PNPT1: variants seen among roughly 807,000 people sequenced by gnomAD.
PNPT1 encodes the protein polyribonucleotide nucleotidyltransferase 1, mitochondrial.
Under a neutral mutation model 119.5 loss-of-function variants are expected in PNPT1, and 53 were observed. That is an observed-to-expected ratio of 0.44 (90% CI 0.36 to 0.56). PNPT1 has a LOEUF of 0.56. Ranked by LOEUF, PNPT1 falls within the 20% of genes least tolerant of loss-of-function variation. The probability of loss-of-function intolerance (pLI) is 0.00; values close to 1 mark genes in which losing one functional copy is unlikely to be tolerated. For missense variants in PNPT1, 948 were observed against 938.5 expected (o/e 1.01, Z -0.13); for synonymous variants, 357 against 322.1 (o/e 1.11, Z -1.16).
At chr2:55,660,231 G>T in intron 14 of PNPT1, 38 bp from the exon 15 acceptor site, 1 of 1,523,148 alleles carries the variant, frequency 6.6e-7, no homozygotes, top group Non-Finnish European at 8.8e-7. Flanking sequence ...ACATCATAGG[G>T]AAAAAACATA....
intron 18 of PNPT1, among the ~76,000 whole-genome samples, chr2:55,654,296 C>T (rs1269877635): frequency 6.6e-6 from 1 of 150,776 alleles, no homozygotes; most frequent in East Asian, 1.9e-4. Flanking sequence ...ATAATGCTTT[C>T]GTTTTTGGCG....
Position 55,664,945 on chromosome 2 carries a change from T to G in PNPT1, c.1176+2046A>C, listed in dbSNP as rs564968087. Among the ~76,000 whole-genome samples the G allele has an allele frequency of 2.0e-5, 3 of 152,230 alleles. No individual in the cohort carries two copies. The South Asian group carries it at 6.2e-4, about 32-fold the overall frequency. On this transcript the variant is annotated intron_variant, in intron 13 of 27. Transcript: ENST00000447944. ...TAATTATAAATCCTAGAAGGATATTTTGAGAACTTGATATAATACTAAAAT... is the reference window on the plus strand; with the variant it reads ...TAATTATAAATCCTAGAAGGATATTGTGAGAACTTGATATAATACTAAAAT...
intron 8 of PNPT1, among the ~76,000 whole-genome samples, chr2:55,674,461 C>T (rs921991369): frequency 2.2e-4 from 33 of 152,040 alleles, no homozygotes; most frequent in African/African-American, 7.5e-4. Context: ...GGCATAGTGG[C>T]GTGCACCTGT....
intron 1 of PNPT1, among the ~76,000 whole-genome samples, chr2:55,691,878 A>ATTTTTTTTTTTTT (rs1227966046): frequency 9.1e-5 from 3 of 33,116 alleles, no homozygotes; most frequent in Non-Finnish European, 1.8e-4. Flanking sequence ...ATATATATAT[A>ATTTTTTTTTTTTT]TTTTTTTTTT....
chr2:55,651,743 T>A (rs1696211524), intron 18 of PNPT1, among the ~76,000 whole-genome samples: 1 of 137,370 alleles, frequency 7.3e-6, no homozygotes, highest in East Asian at 2.1e-4. Context: ...CAAATCCCCC[T>A]CTGTGAGAAA....
intron 13 of PNPT1, among the ~76,000 whole-genome samples, chr2:55,665,636 T>C (rs1246702152): frequency 6.7e-6 from 1 of 149,876 alleles, no homozygotes; most frequent in East Asian, 1.9e-4. Context: ...TGCACAACTC[T>C]AGGGGACAAC....
intron 5 of PNPT1, among the ~76,000 whole-genome samples, chr2:55,682,178 T>C (rs868052314): frequency 4.0e-5 from 6 of 151,814 alleles, no homozygotes; most frequent in Middle Eastern, 3.4e-3. Context: ...AAAATTTCTG[T>C]TGGCCAGGTG....
intron 13 of PNPT1, among the ~76,000 whole-genome samples, chr2:55,665,613 A>T (rs1318346795): frequency 1.3e-5 from 2 of 152,246 alleles, no homozygotes; most frequent in Non-Finnish European, 2.9e-5. Flanking sequence ...AACCTGAGGC[A>T]AGGCCACCAC....
At chr2:55,646,238 G>C (rs760734998) in intron 21 of PNPT1, 21 bp downstream of exon 21, 26 of 1,595,078 alleles carry the variant, frequency 1.6e-5, no homozygotes, top group Non-Finnish European at 2.2e-5. Context: ...AATGAAGGGA[G>C]AATCAAGCAC....
chr2:55,669,536 A>G (rs1249684204), intron 11 of PNPT1, among the ~76,000 whole-genome samples: 2 of 152,228 alleles, frequency 1.3e-5, no homozygotes, highest in Non-Finnish European at 1.5e-5. Context: ...GTACTTGGAA[A>G]GGAAAACAAT....
chr2:55,692,133 C>T (rs1697637720), intron 1 of PNPT1, among the ~76,000 whole-genome samples: 1 of 151,932 alleles, frequency 6.6e-6, no homozygotes, highest in Non-Finnish European at 1.5e-5. Context: ...GATCCACCCA[C>T]CTCAGCCTCC....
chr2:55,677,905 AT>A (rs1318943444), intron 8 of PNPT1, among the ~76,000 whole-genome samples: 2 of 150,488 alleles, frequency 1.3e-5, no homozygotes, highest in Non-Finnish European at 1.5e-5. Context: ...CGCCCGGCTA[AT>A]TTTTTTTTGT....
At position 55,675,379 on chromosome 2, in the gene PNPT1, G is replaced by A. The variant is rs139030710; in HGVS notation, c.680-2300C>T. On this transcript the variant is annotated intron_variant, in intron 8 of 27. Coordinates refer to ENST00000447944, the MANE Select transcript of PNPT1 (RefSeq NM_033109.5). Reference sequence around the variant, plus strand: ...AGGACAGGAGGATTGCTTGAGGCCAGGAGATTAGCCTGGGCAATATAATGA... The same window carrying A: ...AGGACAGGAGGATTGCTTGAGGCCAAGAGATTAGCCTGGGCAATATAATGA... Among the ~76,000 whole-genome samples the A allele has an allele frequency of 8.1e-4, 123 of 152,068 alleles. No individual in the cohort carries two copies. The East Asian group carries it at 0.015, about 19-fold the overall frequency.
chr2:55,654,823 G>T, intron 18 of PNPT1, 77 bp downstream of exon 18: 1 of 1,222,434 alleles, frequency 8.2e-7, no homozygotes, highest in Non-Finnish European at 1.1e-6. Context: ...TGAGCCTCCT[G>T]CCTTGGCCTC....
chr2:55,656,009 T>C, intron 17 of PNPT1, 122 bp downstream of exon 17: 1 of 1,219,486 alleles, frequency 8.2e-7, no homozygotes. Flanking sequence ...AATACATTTT[T>C]CTCTTGCAAC....
At chr2:55,653,614 G>A (rs137964123) in intron 18 of PNPT1, among the ~76,000 whole-genome samples, 1 of 152,314 alleles carries the variant, frequency 6.6e-6, no homozygotes, top group African/African-American at 2.4e-5. Flanking sequence ...GTAAAGATTT[G>A]TAGAGTGAAA....
intron 18 of PNPT1, among the ~76,000 whole-genome samples, chr2:55,647,813 G>A (rs956004044): frequency 3.3e-5 from 5 of 152,104 alleles, no homozygotes; most frequent in African/African-American, 1.2e-4. Flanking sequence ...GTGAGCCACC[G>A]CGCCCAGCAG....
Position 55,646,398 on chromosome 2 carries a change from A to G in PNPT1, c.1674+17T>C. The G allele has an allele frequency of 5.0e-6, 8 of 1,609,006 alleles. No homozygotes were observed. Among genetic ancestry groups the G allele is most frequent in the Non-Finnish European group, 6.8e-6 (8 of 1,177,510 alleles). ...TTAAATGTTACAAAAATGAAACAAA[A>G]TGGGTTTTAAAAATACCTGTAATGC... On this transcript the variant is annotated intron_variant, in intron 20 of 27. Transcript: ENST00000447944.
intron 18 of PNPT1, among the ~76,000 whole-genome samples, chr2:55,651,522 G>A (rs1368981765): frequency 1.3e-5 from 2 of 152,110 alleles, no homozygotes; most frequent in African/African-American, 4.8e-5. Flanking sequence ...ACTCAGGGTT[G>A]AATAGATTAA....
Sources: allele counts gnomAD v4.1 joint callset (sites outside exome capture counted in the v4.1 genomes callset), GRCh38; gene constraint gnomAD v4.1.1; transcripts MANE v1.5; gene names NCBI Gene and HGNC (gene_info 2026-07-23, HGNC 2026-07-21).